TASP1: variants seen among roughly 807,000 people sequenced by gnomAD.
TASP1 encodes the protein threonine aspartase 1.
TASP1 carries 16 observed loss-of-function variants against 56.6 expected under a neutral mutation model. The observed-to-expected ratio is 0.28, with a 90% CI of 0.19 to 0.43. The LOEUF (loss-of-function observed/expected upper bound fraction) is 0.43. TASP1 is among the 20% of genes least tolerant of loss of function. The pLI, the probability that TASP1 is intolerant of heterozygous loss-of-function variation, is 1.00. For missense variants in TASP1, 393 were observed against 511.6 expected, an observed-to-expected ratio of 0.77 and a Z score of 2.24; for synonymous variants, 179 against 184.2, an observed-to-expected ratio of 0.97 and a Z score of 0.23.
intron 11 of TASP1, among the ~76,000 whole-genome samples, chr20:13,473,565 T>C (rs1050554262): frequency 6.6e-6 from 1 of 152,082 alleles, no homozygotes; most frequent in African/African-American, 2.4e-5. Context: ...AATTGCTTGT[T>C]TGTTTGTTTG....
intron 13 of TASP1, among the ~76,000 whole-genome samples, chr20:13,402,212 G>A (rs1189472987): frequency 6.6e-6 from 1 of 152,166 alleles, no homozygotes; most frequent in African/African-American, 2.4e-5. Flanking sequence ...TTGCTTTGGA[G>A]CAATGTTGAA....
At chr20:13,289,280 G>C in the TASP1 span, among the ~76,000 whole-genome samples, 1 of 152,200 alleles carries the variant, frequency 6.6e-6, no homozygotes, top group African/African-American at 2.4e-5. Flanking sequence ...AAGAGAAACA[G>C]AAGGCAGACA....
the TASP1 span, among the ~76,000 whole-genome samples, chr20:13,311,223 T>TAGAC: frequency 9.0e-6 from 1 of 111,152 alleles, no homozygotes; most frequent in Non-Finnish European, 1.9e-5. Flanking sequence ...AGATGATAGA[T>TAGAC]AGATAGATAG....
At chr20:13,545,125 T>C (rs1050959107) in intron 8 of TASP1, among the ~76,000 whole-genome samples, 7 of 152,152 alleles carry the variant, frequency 4.6e-5, no homozygotes, top group African/African-American at 1.7e-4. Context: ...TTCAAAATCA[T>C]AAATACATGA....
the TASP1 span, among the ~76,000 whole-genome samples, chr20:13,146,936 C>G: frequency 1.3e-5 from 2 of 152,202 alleles, no homozygotes; most frequent in Admixed American, 1.3e-4. Context: ...GCCTCTGTTT[C>G]CTCATCTGTG....
At chr20:13,187,526 G>A in the TASP1 span, among the ~76,000 whole-genome samples, 2 of 151,754 alleles carry the variant, frequency 1.3e-5, no homozygotes, top group South Asian at 2.1e-4. Context: ...GAGGTGGGTG[G>A]ATCACAAGGT....
intron 12 of TASP1, among the ~76,000 whole-genome samples, chr20:13,423,274 T>C (rs2042509105): frequency 6.6e-6 from 1 of 152,040 alleles, no homozygotes. Context: ...CAAAACCAAA[T>C]CAAAACAAAC....
chr20:13,553,250 T>C (rs558938705), intron 8 of TASP1, among the ~76,000 whole-genome samples: 37 of 151,478 alleles, frequency 2.4e-4, no homozygotes, highest in African/African-American at 8.2e-4. Context: ...CCACCAAGAG[T>C]TTTTAACGTT....
chr20:13,321,148 G>A, the TASP1 span, among the ~76,000 whole-genome samples: 2 of 150,504 alleles, frequency 1.3e-5, no homozygotes, highest in African/African-American at 4.9e-5. Context: ...GTTTCCGTGA[G>A]CTGAGATCAT....
chr20:13,471,820 T>A (rs760036780), intron 11 of TASP1, among the ~76,000 whole-genome samples: 2 of 152,068 alleles, frequency 1.3e-5, no homozygotes, highest in Non-Finnish European at 2.9e-5. Context: ...TTGGGACTAC[T>A]CAGAAAGTGG....
chr20:13,238,359 C>CTCACTAAATCAG, the TASP1 span, among the ~76,000 whole-genome samples: 1 of 152,176 alleles, frequency 6.6e-6, no homozygotes, highest in Non-Finnish European at 1.5e-5. Flanking sequence ...AACCAGAGGG[C>CTCACTAAATCAG]CACCTCACTA....
chr20:13,200,504 C>G, the TASP1 span, among the ~76,000 whole-genome samples: 2 of 152,334 alleles, frequency 1.3e-5, no homozygotes, highest in South Asian at 4.1e-4. Flanking sequence ...CTCTCTCTCT[C>G]TCTCTGAGGC....
chr20:13,632,737 G>A (rs895738285), intron 1 of TASP1, among the ~76,000 whole-genome samples: 1 of 152,106 alleles, frequency 6.6e-6, no homozygotes. Context: ...TTTTTATTCA[G>A]TTAGAAATGA....
At chr20:13,582,439 T>C (rs1339966505) in intron 5 of TASP1, among the ~76,000 whole-genome samples, 1 of 151,562 alleles carries the variant, frequency 6.6e-6, no homozygotes, top group African/African-American at 2.4e-5. Flanking sequence ...AACTTATAAA[T>C]CCAATTCTCC....
At chr20:13,515,548 T>TAAAAAAAA (rs34077486) in intron 10 of TASP1, among the ~76,000 whole-genome samples, 1 of 122,978 alleles carries the variant, frequency 8.1e-6, no homozygotes. Context: ...TTCATACACT[T>TAAAAAAAA]AAAAAAAAAA....
intron 8 of TASP1, among the ~76,000 whole-genome samples, chr20:13,555,050 C>A (rs779979966): frequency 1.3e-5 from 2 of 152,194 alleles, no homozygotes; most frequent in African/African-American, 2.4e-5. Flanking sequence ...GGATTCAACT[C>A]TCAAACCCTG....
intron 13 of TASP1, chr20:13,393,453 G>A: frequency 1.3e-6 from 1 of 787,786 alleles, no homozygotes; most frequent in Non-Finnish European, 2.2e-6. Flanking sequence ...TATCAAGAAG[G>A]TGGTGAAGCA....
the TASP1 span, among the ~76,000 whole-genome samples, chr20:13,261,070 CA>C: frequency 6.6e-6 from 1 of 152,180 alleles, no homozygotes; most frequent in East Asian, 1.9e-4. Context: ...TCCTAAGGCA[CA>C]AGTGCTTTTC....
chr20:13,399,812 C>A (rs1209120053), intron 13 of TASP1, among the ~76,000 whole-genome samples: 1 of 152,178 alleles, frequency 6.6e-6, no homozygotes, highest in Non-Finnish European at 1.5e-5. Flanking sequence ...CAAATACTGA[C>A]CATGGATAAA....
Sources: allele counts gnomAD v4.1 joint callset (sites outside exome capture counted in the v4.1 genomes callset), GRCh38; gene constraint gnomAD v4.1.1; transcripts MANE v1.5; gene names NCBI Gene and HGNC (gene_info 2026-07-23, HGNC 2026-07-21).